The following MDGA2 variants were observed in gnomAD, a reference collection of about 807,000 sequenced individuals.
MDGA2 encodes MAM domain containing glycosylphosphatidylinositol anchor 2, also known as MAM domain-containing glycosylphosphatidylinositol anchor protein 2.
A neutral mutation model predicts 117.8 loss-of-function variants in MDGA2; 40 were observed. The ratio of observed to expected loss-of-function variants is 0.34; its 90% CI spans 0.26 to 0.44. MDGA2 has a LOEUF of 0.44. MDGA2 is among the 20% of genes least tolerant of loss of function. The probability of loss-of-function intolerance (pLI) is 1.00; values close to 1 mark genes in which losing one functional copy is unlikely to be tolerated. For synonymous variants in MDGA2, 452 were observed against 439.0 expected (o/e 1.03, Z -0.37); for missense variants, 1,123 against 1,250.6 (o/e 0.90, Z 1.54).
chr14:47,365,138 TCAAATAATACTTTCATCTC>T (rs2138378781), intron 1 of MDGA2, among the ~76,000 whole-genome samples: 1 of 152,336 alleles, frequency 6.6e-6, no homozygotes, highest in African/African-American at 2.4e-5. Flanking sequence ...ATCATATAAA[TCAAATAATACTTTCATCTC>T]CATCCGCCTC....
chr14:46,987,940 G>C lies in MDGA2; in HGVS notation c.1820-30297C>G, dbSNP rs760276998. Among the ~76,000 whole-genome samples, 3 of 150,950 alleles carry C rather than the reference G, an allele frequency of 2.0e-5. No individual in the cohort carries two copies. The South Asian group carries it at 6.3e-4, about 32-fold the overall frequency. ...AATATTCTGGGGTGGGGGGGGGTGC[G>C]CGCGTGTGTGTATGTTGTAATTTGC... is the stretch of plus-strand genomic sequence containing the variant. On this transcript the variant is annotated intron_variant, in intron 8 of 16. Coordinates refer to ENST00000399232, the MANE Select transcript of MDGA2 (RefSeq NM_001113498.3).
At chr14:47,391,600 T>C (rs1891896847) in intron 1 of MDGA2, among the ~76,000 whole-genome samples, 1 of 152,314 alleles carries the variant, frequency 6.6e-6, no homozygotes, top group Middle Eastern at 3.4e-3. Context: ...TGCATATAAA[T>C]ATAACACACT....
chr14:47,498,174 T>C (rs988257369), intron 1 of MDGA2, among the ~76,000 whole-genome samples: 3 of 152,204 alleles, frequency 2.0e-5, no homozygotes, highest in Admixed American at 2.0e-4. Flanking sequence ...CTAGGTCTAC[T>C]GGACAGGAAA....
intron 9 of MDGA2, among the ~76,000 whole-genome samples, chr14:46,922,104 G>T (rs766929222): frequency 4.7e-5 from 7 of 150,196 alleles, no homozygotes; most frequent in Admixed American, 3.3e-4. Context: ...ATAAAAAGGC[G>T]GGGGGGCAAA....
chr14:47,477,008 A>G (rs1429870982), intron 1 of MDGA2, among the ~76,000 whole-genome samples: 1 of 152,054 alleles, frequency 6.6e-6, no homozygotes. Context: ...CTAAAACTGC[A>G]AAAATTTGCC....
intron 1 of MDGA2, among the ~76,000 whole-genome samples, chr14:47,542,664 A>G (rs1259696004): frequency 2.0e-5 from 3 of 152,246 alleles, no homozygotes; most frequent in South Asian, 2.1e-4. Flanking sequence ...AGACATAATA[A>G]TATCATTTAA....
chr14:47,534,450 T>C (rs1895164953), intron 1 of MDGA2, among the ~76,000 whole-genome samples: 2 of 152,146 alleles, frequency 1.3e-5, no homozygotes, highest in Admixed American at 1.3e-4. Flanking sequence ...TCTGGATGGC[T>C]GAGGAGGCCT....
chr14:47,390,536 G>A (rs1345543141), intron 1 of MDGA2, among the ~76,000 whole-genome samples: 3 of 152,188 alleles, frequency 2.0e-5, no homozygotes, highest in African/African-American at 4.8e-5. Context: ...GATGAATTAT[G>A]TGTGACAAAT....
intron 1 of MDGA2, among the ~76,000 whole-genome samples, chr14:47,468,640 C>A (rs1305137582): frequency 7.2e-6 from 1 of 139,786 alleles, no homozygotes; most frequent in Non-Finnish European, 1.5e-5. Flanking sequence ...CTTCAGACCT[C>A]ATAAATTGAA....
intron 1 of MDGA2, among the ~76,000 whole-genome samples, chr14:47,504,990 CACAATGGACTT>C (rs1246308924): frequency 6.6e-6 from 1 of 152,144 alleles, no homozygotes; most frequent in African/African-American, 2.4e-5. Flanking sequence ...GTGCTGTATA[CACAATGGACTT>C]ACTATTCAGC....
chr14:46,955,733 G>C (rs937871346), intron 9 of MDGA2, among the ~76,000 whole-genome samples: 1 of 151,940 alleles, frequency 6.6e-6, no homozygotes, highest in Non-Finnish European at 1.5e-5. Flanking sequence ...CGTACATTTC[G>C]GTGTATAGGT....
At chr14:47,672,985 C>G (rs1231143789) in intron 1 of MDGA2, among the ~76,000 whole-genome samples, 3 of 152,122 alleles carry the variant, frequency 2.0e-5, no homozygotes, top group Non-Finnish European at 4.4e-5. Flanking sequence ...ATCACCACCA[C>G]GAGACAAGTT....
At chr14:47,275,338 G>T (rs1003380103) in intron 2 of MDGA2, among the ~76,000 whole-genome samples, 2 of 152,126 alleles carry the variant, frequency 1.3e-5, no homozygotes, top group Non-Finnish European at 2.9e-5. Context: ...TCTAATGTAC[G>T]ATGTGGTTCC....
chr14:47,623,042 G>C lies in MDGA2; in HGVS notation c.280+51475C>G, dbSNP rs144886042. On this transcript the variant is annotated intron_variant, in intron 1 of 16. Coordinates refer to ENST00000399232, the MANE Select transcript of MDGA2 (RefSeq NM_001113498.3). ...CCAACGCAATAGTGTTGAGAAGTGG[G>C]ACTATTCAGAGGCAATTAGATCAAG... is the stretch of plus-strand genomic sequence containing the variant. Among the ~76,000 whole-genome samples the C allele has an allele frequency of 6.0e-3, 917 of 152,268 alleles. 11 individuals carry two copies. The highest frequency in any genetic ancestry group is 0.021 in the African/African-American group (861 of 41,540).
chr14:47,532,644 T>C (rs1895124018), intron 1 of MDGA2, among the ~76,000 whole-genome samples: 1 of 152,224 alleles, frequency 6.6e-6, no homozygotes, highest in African/African-American at 2.4e-5. Flanking sequence ...GATACTACTT[T>C]CTTCTAATTT....
At chr14:47,275,680 T>C (rs112038358) in intron 2 of MDGA2, among the ~76,000 whole-genome samples, 36 of 152,310 alleles carry the variant, frequency 2.4e-4, no homozygotes, top group African/African-American at 7.2e-4. Context: ...ATAGCACTCA[T>C]GTTAATATTT....
Position 47,456,972 on chromosome 14 carries a change from T to C in MDGA2, c.281-155422A>G, listed in dbSNP as rs75630276. Among the ~76,000 whole-genome samples the C allele has an allele frequency of 3.9e-3, 595 of 151,982 alleles. 2 individuals carry two copies. Among genetic ancestry groups the C allele is most frequent in the Non-Finnish European group, 7.1e-3 (486 of 67,980 alleles). On this transcript the variant is annotated intron_variant, in intron 1 of 16. Coordinates refer to ENST00000399232, the MANE Select transcript of MDGA2 (RefSeq NM_001113498.3). ...ACCTCAGATATTCTAGATTAATCAG[T>C]ATAATAAGATCTTTAGAACCAAAGC...
intron 1 of MDGA2, among the ~76,000 whole-genome samples, chr14:47,668,810 C>T (rs1390741379): frequency 6.6e-6 from 1 of 152,194 alleles, no homozygotes; most frequent in Non-Finnish European, 1.5e-5. Context: ...GATGACAGCA[C>T]ATTCCCTTAG....
chr14:47,279,222 G>C lies in MDGA2; in HGVS notation c.420+22189C>G, dbSNP rs1395895599. Among the ~76,000 whole-genome samples the C allele has an allele frequency of 2.6e-5, 4 of 152,004 alleles. No homozygotes were observed. In the East Asian group the frequency reaches 5.8e-4, roughly 22 times the overall value. ...TGTGCTTCCATCAGCAAATTTTGAG[G>C]GTATGCATACTGATAGAGTATATTA... On this transcript the variant is annotated intron_variant, in intron 2 of 16. Transcript: ENST00000399232.
Sources: gnomAD v4.1 joint callset for allele counts (sites outside exome capture counted in the v4.1 genomes callset) on GRCh38, gnomAD v4.1.1 for gene constraint, MANE v1.5 for transcripts, NCBI Gene and HGNC (gene_info 2026-07-23, HGNC 2026-07-21) for gene names.